EPB41L2: variants seen among roughly 807,000 people sequenced by gnomAD.
EPB41L2 encodes erythrocyte membrane protein band 4.1 like 2.
EPB41L2 carries 43 observed loss-of-function variants against 113.0 expected under a neutral mutation model. That is an observed-to-expected ratio of 0.38 (90% CI 0.30 to 0.49). The LOEUF is 0.49. Ranked by LOEUF, EPB41L2 falls within the 20% of genes least tolerant of loss-of-function variation. The probability of loss-of-function intolerance (pLI) is 0.95; values close to 1 mark genes in which losing one functional copy is unlikely to be tolerated. For missense variants in EPB41L2, 1,147 were observed against 1,223.4 expected (o/e 0.94, Z 0.93); for synonymous variants, 442 against 436.7 (o/e 1.01, Z -0.15).
chr6:130,870,699 A>G (rs1702674230), intron 14 of EPB41L2, among the ~76,000 whole-genome samples: 1 of 152,204 alleles, frequency 6.6e-6, no homozygotes, highest in Admixed American at 6.5e-5. Context: ...AAAAAAATTT[A>G]ACTTTTAAAA....
intron 3 of EPB41L2, among the ~76,000 whole-genome samples, chr6:130,953,317 T>A (rs1257589118): frequency 6.6e-6 from 1 of 151,992 alleles, no homozygotes; most frequent in Admixed American, 6.6e-5. Flanking sequence ...AACAAAGTGT[T>A]AAAAAGAGCA....
intron 14 of EPB41L2, chr6:130,872,315 T>A: frequency 8.2e-7 from 1 of 1,217,262 alleles, no homozygotes; most frequent in African/African-American, 1.6e-5. Context: ...TTTAAAAAAA[T>A]GAAAATCTCT....
At chr6:131,050,385 T>C (rs1796283920) in intron 1 of EPB41L2, among the ~76,000 whole-genome samples, 1 of 152,210 alleles carries the variant, frequency 6.6e-6, no homozygotes, top group Admixed American at 6.5e-5. Flanking sequence ...CAACATACTC[T>C]GGGGAAATAC....
intron 19 of EPB41L2, among the ~76,000 whole-genome samples, chr6:130,857,451 T>A (rs1780604343): frequency 6.6e-6 from 1 of 152,054 alleles, no homozygotes; most frequent in South Asian, 2.1e-4. Context: ...CATTTATTAA[T>A]CCTTTGCTTT....
chr6:130,998,555 C>G (rs1314777302), intron 1 of EPB41L2, among the ~76,000 whole-genome samples: 2 of 152,104 alleles, frequency 1.3e-5, no homozygotes, highest in African/African-American at 4.8e-5. Context: ...AGATGATAAT[C>G]AGGATACTAA....
At position 130,956,128 on chromosome 6, in the gene EPB41L2, C is replaced by G. The variant is rs760013469; in HGVS notation, c.358G>C (p.Glu120Gln). The change falls in exon 2 of 20, where the codon GAA becomes CAA. Residue 120 changes from glutamate (E) to glutamine (Q), a missense_variant. Transcript: ENST00000337057. ...QVLDKEEPLP[E>Q]EQRQAKGDAE... ...TCACCCTTAGCCTGTCTCTGTTCTT[C>G]TGGAAGGGGTTCCTCTTTATCTAAG... The G allele has an allele frequency of 1.2e-6, 2 of 1,614,168 alleles. No homozygotes were observed. The highest frequency in any genetic ancestry group is 3.3e-5 in the Admixed American group (2 of 60,026).
At chr6:130,939,927 C>G (rs1810242849) in intron 3 of EPB41L2, among the ~76,000 whole-genome samples, 1 of 152,168 alleles carries the variant, frequency 6.6e-6, no homozygotes, top group Admixed American at 6.5e-5. Flanking sequence ...TGAACATGCA[C>G]ACTTAGCTCT....
At chr6:130,887,026 A>G (rs1430242798) in intron 11 of EPB41L2, among the ~76,000 whole-genome samples, 2 of 152,178 alleles carry the variant, frequency 1.3e-5, no homozygotes, top group Admixed American at 6.5e-5. Flanking sequence ...TTTGCTTACA[A>G]TTATGATTTC....
At chr6:130,962,035 G>C (rs1773707644) in intron 1 of EPB41L2, among the ~76,000 whole-genome samples, 1 of 152,136 alleles carries the variant, frequency 6.6e-6, no homozygotes, top group Non-Finnish European at 1.5e-5. Flanking sequence ...AGGATATGTA[G>C]AGCATCCTGC....
At chr6:131,059,819 C>G (rs1314626076) in intron 1 of EPB41L2, among the ~76,000 whole-genome samples, 6 of 152,132 alleles carry the variant, frequency 3.9e-5, no homozygotes, top group Non-Finnish European at 5.9e-5. Context: ...TTACTTCAGG[C>G]TTTGAAATCT....
At chr6:130,929,592 G>A (rs143013660) in intron 3 of EPB41L2, among the ~76,000 whole-genome samples, 103 of 152,222 alleles carry the variant, frequency 6.8e-4, no homozygotes, top group Non-Finnish European at 1.3e-3. Flanking sequence ...AATCAATGAT[G>A]AGCACGACAA....
chr6:130,886,269 T>C (rs1790934079), intron 11 of EPB41L2, among the ~76,000 whole-genome samples: 1 of 152,206 alleles, frequency 6.6e-6, no homozygotes, highest in Non-Finnish European at 1.5e-5. Flanking sequence ...TGAATACATG[T>C]ATCCCAAGCT....
chr6:130,971,136 A>G (rs1383243876), intron 1 of EPB41L2, among the ~76,000 whole-genome samples: 1 of 152,114 alleles, frequency 6.6e-6, no homozygotes, highest in Non-Finnish European at 1.5e-5. Flanking sequence ...GACTCAAGTG[A>G]TCATTCTGCC....
intron 19 of EPB41L2, among the ~76,000 whole-genome samples, chr6:130,852,360 T>TA (rs1779011782): frequency 6.6e-6 from 1 of 152,188 alleles, no homozygotes; most frequent in Non-Finnish European, 1.5e-5. Context: ...AGATGGGGCC[T>TA]TATAGATTCA....
intron 1 of EPB41L2, among the ~76,000 whole-genome samples, chr6:131,047,994 C>A (rs1296483434): frequency 1.3e-5 from 2 of 151,760 alleles, no homozygotes; most frequent in Non-Finnish European, 2.9e-5. Context: ...CAAAAATAAG[C>A]CAGGCATAGT....
In EPB41L2 at chr6:130,917,409, T is replaced by C. The variant is rs547911936; in HGVS notation, c.811-8546A>G. ...TTGGTTTAGTGGGAAACCCCCATCC[T>C]TGATAACTAATTACCCTTGATATCT... On this transcript the variant is annotated intron_variant, in intron 4 of 19. Coordinates refer to ENST00000337057, the MANE Select transcript of EPB41L2 (RefSeq NM_001431.4). Among the ~76,000 whole-genome samples the C allele has an allele frequency of 4.9e-4, 75 of 152,314 alleles. 1 individual carries two copies. Among genetic ancestry groups the C allele is most frequent in the Admixed American group, 4.9e-3 (75 of 15,302 alleles).
chr6:130,992,203 G>A (rs373589123), intron 1 of EPB41L2, among the ~76,000 whole-genome samples: 1 of 152,138 alleles, frequency 6.6e-6, no homozygotes, highest in Non-Finnish European at 1.5e-5. Context: ...TGATATGTGT[G>A]AGTGTGATAA....
chr6:130,840,156 G>C lies in EPB41L2; in HGVS notation c.*448C>G, dbSNP rs1775041427. On this transcript the variant is annotated 3_prime_UTR_variant, in exon 20 of 20. Coordinates refer to ENST00000337057, the MANE Select transcript of EPB41L2 (RefSeq NM_001431.4). ...GTGAGAATTCAATGAAAAGAATCCA[G>C]AAGAAGGAAAGCCACTATCTAAATT... The C allele has an allele frequency of 6.6e-6, 1 of 152,504 alleles. No individual in the cohort carries two copies. The highest frequency in any genetic ancestry group is 6.5e-5 in the Admixed American group (1 of 15,270). The allele number at this position is 152,504 out of a possible 1,614,324, so 9.4% of individuals were successfully genotyped here. A position where few individuals can be genotyped will look rare whatever the true frequency, so the allele number is the denominator to read the frequency against.
At chr6:130,851,027 A>T (rs1778629368) in intron 19 of EPB41L2, among the ~76,000 whole-genome samples, 1 of 152,232 alleles carries the variant, frequency 6.6e-6, no homozygotes, top group Non-Finnish European at 1.5e-5. Flanking sequence ...AGGTGTGATT[A>T]ATCTATATTG....
Sources: gnomAD v4.1 joint callset for allele counts (sites outside exome capture counted in the v4.1 genomes callset) on GRCh38, gnomAD v4.1.1 for gene constraint, MANE v1.5 for transcripts, NCBI Gene and HGNC (gene_info 2026-07-23, HGNC 2026-07-21) for gene names.